Variants in UNC5D observed in about 807,000 individuals in gnomAD.
UNC5D encodes unc-5 netrin receptor D.
A neutral mutation model predicts 105.4 loss-of-function variants in UNC5D; 39 were observed. That is an observed-to-expected ratio of 0.37 (90% confidence interval 0.29 to 0.48). The LOEUF (loss-of-function observed/expected upper bound fraction) is 0.48. Ranked by LOEUF, UNC5D falls within the 20% of genes least tolerant of loss-of-function variation. The pLI is 0.98. For synonymous variants in UNC5D, 452 were observed against 450.4 expected (o/e 1.00, Z -0.04); for missense variants, 991 against 1,202.4 (o/e 0.82, Z 2.60).
intron 1 of UNC5D, among the ~76,000 whole-genome samples, chr8:35,397,211 C>T (rs1269941526): frequency 1.3e-5 from 2 of 152,136 alleles, no homozygotes; most frequent in Non-Finnish European, 2.9e-5. Flanking sequence ...CAGCCCAAGC[C>T]CAAGGTTTTT....
intron 1 of UNC5D, among the ~76,000 whole-genome samples, chr8:35,445,714 C>A (rs1807735401): frequency 6.6e-6 from 1 of 152,014 alleles, no homozygotes; most frequent in Admixed American, 6.6e-5. Flanking sequence ...CACCTGGGAA[C>A]CTGTTGCATC....
chr8:35,759,504 T>G (rs771101108), intron 14 of UNC5D, 35 bp downstream of exon 14: 1 of 1,595,968 alleles, frequency 6.3e-7, no homozygotes, highest in South Asian at 1.1e-5. Context: ...AGAAACGGCT[T>G]TGCTTTAACC....
At chr8:35,711,168 TTTTTGTTTTGTTTTG>T (rs536017128) in intron 8 of UNC5D, among the ~76,000 whole-genome samples, 4 of 148,374 alleles carry the variant, frequency 2.7e-5, no homozygotes, top group African/African-American at 2.5e-5. Context: ...CGGCTTTCTG[TTTTTGTTTTGTTTTG>T]TTTTGTTTTG....
intron 1 of UNC5D, among the ~76,000 whole-genome samples, chr8:35,296,434 G>A (rs1257388160): frequency 1.3e-5 from 2 of 150,918 alleles, no homozygotes; most frequent in Non-Finnish European, 3.0e-5. Context: ...CTTTTTTTTT[G>A]TTGAGATGGA....
At chr8:35,727,312 T>C (rs546410554) in intron 10 of UNC5D, 24 of 152,216 alleles carry the variant, frequency 1.6e-4, no homozygotes, top group Non-Finnish European at 3.4e-4. Context: ...CTGAAGCAGG[T>C]AGTGATCTGT....
In UNC5D at chr8:35,623,886, C is replaced by T. The variant is rs572190826; in HGVS notation, c.570+28229C>T. ...ACAAGGGTAGGAGATCGAGACCATC[C>T]TGGCTAACACGGTGAAACCCCGTCT... is the stretch of plus-strand genomic sequence containing the variant. On this transcript the variant is annotated intron_variant, in intron 4 of 16. Coordinates refer to ENST00000404895, the MANE Select transcript of UNC5D (RefSeq NM_080872.4). Among the ~76,000 whole-genome samples the T allele has an allele frequency of 1.5e-4, 23 of 152,256 alleles. No homozygotes were observed. In the East Asian group the frequency reaches 4.3e-3, roughly 28 times the overall value.
intron 1 of UNC5D, among the ~76,000 whole-genome samples, chr8:35,457,240 T>G (rs913990198): frequency 5.3e-5 from 8 of 152,220 alleles, no homozygotes; most frequent in Admixed American, 1.3e-4. Context: ...TGACATTTCC[T>G]GATTTCAAAC....
At chr8:35,743,826 A>G (rs763241980) in intron 11 of UNC5D, among the ~76,000 whole-genome samples, 6 of 152,092 alleles carry the variant, frequency 3.9e-5, no homozygotes, top group Non-Finnish European at 8.8e-5. Flanking sequence ...ATGACCCTTT[A>G]TCCCTAGATA....
At chr8:35,563,329 G>T (rs1817095314) in intron 2 of UNC5D, among the ~76,000 whole-genome samples, 1 of 108,974 alleles carries the variant, frequency 9.2e-6, no homozygotes, top group African/African-American at 3.6e-5. Flanking sequence ...TATGTCTTTG[G>T]TTAAGTTCAT....
intron 1 of UNC5D, among the ~76,000 whole-genome samples, chr8:35,349,086 C>A (rs1812019094): frequency 6.6e-6 from 1 of 151,828 alleles, no homozygotes; most frequent in South Asian, 2.1e-4. Flanking sequence ...TTTGGTTCTG[C>A]ATTTACTGTG....
chr8:35,673,166 T>C (rs975226001), intron 4 of UNC5D, among the ~76,000 whole-genome samples: 3 of 152,226 alleles, frequency 2.0e-5, no homozygotes, highest in Admixed American at 6.5e-5. Flanking sequence ...TTAAAATCAA[T>C]CTGTAGAGCC....
rs34672872 is a variant in UNC5D, at chr8:35,728,095, A to AAAAAAAAATATAT, written c.1681+1567_1681+1568insAAAAAAATATATA. On this transcript the variant is annotated intron_variant, in intron 10 of 16. Coordinates refer to ENST00000404895, the MANE Select transcript of UNC5D (RefSeq NM_080872.4). ...CTAAAAAAAAAAAAAAAAAAAAAAA[A>AAAAAAAAATATAT]ATATATATATATATATGCCATAAAA... Among the ~76,000 whole-genome samples the AAAAAAAAATATAT allele has an allele frequency of 2.7e-5, 3 of 110,366 alleles. No individual in the cohort carries two copies. In the Admixed American group the frequency reaches 3.0e-4, roughly 11 times the overall value. The allele number at this position is 110,366 out of a possible 152,430, so 72.4% of individuals were successfully genotyped here.
At chr8:35,493,401 C>T (rs944599311) in intron 1 of UNC5D, among the ~76,000 whole-genome samples, 2 of 151,572 alleles carry the variant, frequency 1.3e-5, no homozygotes, top group East Asian at 3.9e-4. Flanking sequence ...ATCCATCTCA[C>T]TGTGAGGAAG....
intron 4 of UNC5D, among the ~76,000 whole-genome samples, chr8:35,617,499 C>T (rs1586261857): frequency 6.6e-6 from 1 of 152,176 alleles, no homozygotes; most frequent in East Asian, 1.9e-4. Flanking sequence ...TCTTTCATTG[C>T]ATTGCACAGC....
At position 35,650,764 on chromosome 8, in the gene UNC5D, G is replaced by C. The variant is rs573872752; in HGVS notation, c.571-32783G>C. On this transcript the variant is annotated intron_variant, in intron 4 of 16. Transcript: ENST00000404895. The stretch of plus-strand genomic sequence containing the variant: ...TGGGATTATAGGCATGAGCCACGGT[G>C]CCCAGCCAAGAACTGCTGTCTTTTT... 7.2e-5 allele frequency among the ~76,000 whole-genome samples: 11 copies of C among 152,284 alleles called. No homozygotes were observed. The East Asian group carries it at 2.1e-3, about 29-fold the overall frequency.
At chr8:35,403,932 T>TC (rs1804636098) in intron 1 of UNC5D, among the ~76,000 whole-genome samples, 1 of 152,140 alleles carries the variant, frequency 6.6e-6, no homozygotes, top group Non-Finnish European at 1.5e-5. Flanking sequence ...TTCTCTCCAT[T>TC]CCCCCCACCA....
intron 1 of UNC5D, among the ~76,000 whole-genome samples, chr8:35,274,901 C>T (rs545059917): frequency 2.0e-5 from 3 of 151,862 alleles, no homozygotes; most frequent in African/African-American, 7.3e-5. Context: ...ACCAGCCTGG[C>T]CAACATGGTG....
intron 14 of UNC5D, among the ~76,000 whole-genome samples, chr8:35,761,878 C>T (rs1801550094): frequency 6.6e-6 from 1 of 152,088 alleles, no homozygotes; most frequent in African/African-American, 2.4e-5. Flanking sequence ...CCTACTTGAA[C>T]CTCATGTAGA....
chr8:35,276,681 A>G (rs868742573), intron 1 of UNC5D, among the ~76,000 whole-genome samples: 5 of 152,308 alleles, frequency 3.3e-5, no homozygotes, highest in South Asian at 4.1e-4. Flanking sequence ...GAATTTTTGC[A>G]TGATATAGTG....
Sources: gnomAD v4.1 joint callset for allele counts (sites outside exome capture counted in the v4.1 genomes callset) on GRCh38, gnomAD v4.1.1 for gene constraint, MANE v1.5 for transcripts, NCBI Gene and HGNC (gene_info 2026-07-23, HGNC 2026-07-21) for gene names.